The following TRRAP variants were observed in gnomAD, a reference collection of about 807,000 sequenced individuals.
TRRAP encodes the protein transformation/transcription domain associated protein.
Under a neutral mutation model 438.8 loss-of-function variants are expected in TRRAP, and 41 were observed. The observed-to-expected ratio is 0.09, with a 90% CI of 0.07 to 0.12. The LOEUF (loss-of-function observed/expected upper bound fraction) is 0.12, where lower values mean the gene tolerates loss of function less well. Ranked by LOEUF, TRRAP falls within the 10% of genes least tolerant of loss-of-function variation. The pLI, the probability that TRRAP is intolerant of heterozygous loss-of-function variation, is 1.00. For missense variants in TRRAP, 3,122 were observed against 5,055.1 expected, an observed-to-expected ratio of 0.62 and a Z score of 11.60; for synonymous variants, 1,994 against 1,962.9, an observed-to-expected ratio of 1.02 and a Z score of -0.42.
At chr7:98,980,500 A>G (rs1292647195) in intron 58 of TRRAP, among the ~76,000 whole-genome samples, 1 of 151,818 alleles carries the variant, frequency 6.6e-6, no homozygotes, top group African/African-American at 2.4e-5. Flanking sequence ...CCAAAAAAAA[A>G]AGAAAAGGCC....
At chr7:99,003,071 A>T (rs1265028291) in intron 67 of TRRAP, among the ~76,000 whole-genome samples, 1 of 152,206 alleles carries the variant, frequency 6.6e-6, no homozygotes. Context: ...TCAGGACGCC[A>T]GCCCTGGGGA....
At position 99,011,737 on chromosome 7, in the gene TRRAP, C is replaced by T. The variant is rs187993820; in HGVS notation, c.11337+202C>T. 1.2e-4 allele frequency among the ~76,000 whole-genome samples: 19 copies of T among 152,394 alleles called. No individual in the cohort carries two copies. The highest frequency in any genetic ancestry group is 3.6e-4 in the African/African-American group (15 of 41,602). On this transcript the variant is annotated intron_variant, in intron 72 of 72. Coordinates refer to ENST00000456197, the MANE Select transcript of TRRAP (RefSeq NM_001375524.1). The surrounding 1 kb of genome is among the most constrained non-coding windows in gnomAD (Gnocchi z 7.1). ...TCACTCTTGTCTGTAGTGCTTGGAA[C>T]GGGCCTGCCTGACACTCGGCAGATG...
Position 98,899,422 on chromosome 7 carries a change from C to T in TRRAP, c.634C>T (p.His212Tyr), listed in dbSNP as rs782147316. Reference sequence around the variant, plus strand: ...GGTCCTACCCATTTCTGTCTTCCAGCATTCCATCATTCCGAGGGGATCACT... The same window carrying T: ...GGTCCTACCCATTTCTGTCTTCCAGTATTCCATCATTCCGAGGGGATCACT... ...PEREDSETRT[H>Y]SIIPRGSLSL... Residue 212 changes from histidine to tyrosine, a missense_variant and splice_region_variant, in exon 9 of 73, where the codon CAT (histidine) becomes TAT (tyrosine). Physicochemically the swap from His to Tyr is moderately conservative, Grantham distance 83. Around this residue, in one of 24 missense-constraint regions of TRRAP, gnomAD observed 343 missense variants for 564.0 expected, o/e 0.61. Coordinates refer to ENST00000456197, the MANE Select transcript of TRRAP (RefSeq NM_001375524.1). The T allele has an allele frequency of 6.2e-7, 1 of 1,614,140 alleles. No homozygotes were observed. The highest frequency in any genetic ancestry group is 8.5e-7 in the Non-Finnish European group (1 of 1,179,990).
intron 3 of TRRAP, among the ~76,000 whole-genome samples, chr7:98,885,425 A>G (rs528067872): frequency 6.6e-6 from 1 of 152,182 alleles, no homozygotes; most frequent in South Asian, 2.1e-4. Context: ...CTTAAGAACA[A>G]TAGGGAAAAT....
chr7:98,915,765 C>G lies in TRRAP; in HGVS notation c.2242C>G (p.Gln748Glu). 6.2e-7 allele frequency: 1 copy of G among 1,614,160 alleles called. No individual in the cohort carries two copies. Among genetic ancestry groups the G allele is most frequent in the African/African-American group, 1.3e-5 (1 of 75,050 alleles). The part of the protein sequence containing the change: ...KIVNSSMELA[Q>E]TAKEPYNYFL... ...TGTGAACAGCTCTATGGAGCTCGCGCAGACTGCCAAGGAACCCTACAACTA... is the reference window on the plus strand; with the variant it reads ...TGTGAACAGCTCTATGGAGCTCGCGGAGACTGCCAAGGAACCCTACAACTA... The change falls in exon 19 of 73, where the codon CAG becomes GAG. Residue 748 changes from glutamine (Q) to glutamate (E), a missense_variant. This residue lies in a region of TRRAP where 149 missense variants were observed against 302.8 expected (regional missense o/e 0.49). Coordinates refer to ENST00000456197, the MANE Select transcript of TRRAP (RefSeq NM_001375524.1).
At chr7:98,934,881 G>A (rs1223540396) in intron 27 of TRRAP, among the ~76,000 whole-genome samples, 1 of 152,168 alleles carries the variant, frequency 6.6e-6, no homozygotes, top group Non-Finnish European at 1.5e-5. Context: ...GGCTTGAAGT[G>A]CTTTTCACTC....
At chr7:99,007,943 A>G (rs1337517982) in intron 69 of TRRAP, among the ~76,000 whole-genome samples, 1 of 150,044 alleles carries the variant, frequency 6.7e-6, no homozygotes, top group Non-Finnish European at 1.5e-5. Flanking sequence ...CTCCTGCCTC[A>G]GCCTCCTGAG....
At chr7:98,893,323 T>C (rs1796057690) in intron 5 of TRRAP, among the ~76,000 whole-genome samples, 2 of 152,334 alleles carry the variant, frequency 1.3e-5, no homozygotes, top group South Asian at 4.1e-4. Flanking sequence ...GATTCTGTCT[T>C]GGCTGGGGCG....
intron 57 of TRRAP, 37 bp from the exon 58 acceptor site, chr7:98,978,732 T>G (rs774476861): frequency 1.9e-6 from 3 of 1,613,468 alleles, no homozygotes; most frequent in Non-Finnish European, 2.5e-6. Flanking sequence ...AGTGTGCTGG[T>G]GATTGAGCTT....
intron 47 of TRRAP, among the ~76,000 whole-genome samples, chr7:98,963,539 C>T (rs1792014237): frequency 6.6e-6 from 1 of 152,172 alleles, no homozygotes. Context: ...GCCACACCGT[C>T]GTCCCCATGC....
In TRRAP at chr7:98,919,015, T is replaced by C. The variant is rs555814864; in HGVS notation, c.2622+1336T>C. On this transcript the variant is annotated intron_variant, in intron 20 of 72. Transcript: ENST00000456197. ...AAAAAAAAAAAGAAAAAAAGGTTGA[T>C]ATGTTAAAGTTAGTTTTTCCTACAT... 1.5e-4 allele frequency among the ~76,000 whole-genome samples: 23 copies of C among 151,842 alleles called. No individual in the cohort carries two copies. In the East Asian group the frequency reaches 4.5e-3, roughly 29 times the overall value.
chr7:98,925,356 C>A, intron 22 of TRRAP, 93 bp downstream of exon 22: 1 of 1,522,078 alleles, frequency 6.6e-7, no homozygotes, highest in Non-Finnish European at 8.8e-7. Context: ...GTGCTAGGAG[C>A]AGGCTCCTTG....
At chr7:98,921,629 G>A (rs186185545) in intron 20 of TRRAP, 124 bp from the exon 21 acceptor site, 1 of 1,301,228 alleles carries the variant, frequency 7.7e-7, no homozygotes, top group East Asian at 2.4e-5. Context: ...ACCCGCCTTA[G>A]CCTCCCAAAG....
intron 69 of TRRAP, among the ~76,000 whole-genome samples, chr7:99,006,502 C>T (rs887202207): frequency 2.0e-5 from 3 of 152,178 alleles, no homozygotes; most frequent in Admixed American, 6.5e-5. Flanking sequence ...TTGGTCAGCA[C>T]AGAATGGTGG....
chr7:98,897,685 T>TGAA, intron 7 of TRRAP, 56 bp from the exon 8 acceptor site: 2 of 1,559,056 alleles, frequency 1.3e-6, no homozygotes, highest in South Asian at 1.2e-5. Context: ...TGTTTTGTTT[T>TGAA]TGAATGAATA....
chr7:98,885,026 AG>A (rs1226140204), intron 3 of TRRAP, among the ~76,000 whole-genome samples: 1 of 152,134 alleles, frequency 6.6e-6, no homozygotes, highest in Non-Finnish European at 1.5e-5. Context: ...ACAAGGTTTG[AG>A]GGAGGCATGT....
chr7:98,893,008 G>C (rs782414599), intron 5 of TRRAP, among the ~76,000 whole-genome samples: 2 of 151,856 alleles, frequency 1.3e-5, no homozygotes, highest in Non-Finnish European at 2.9e-5. Flanking sequence ...CTGGAGTGCA[G>C]TGGTGTGATC....
intron 35 of TRRAP, among the ~76,000 whole-genome samples, chr7:98,949,001 G>A (rs568937478): frequency 1.3e-5 from 2 of 152,304 alleles, no homozygotes; most frequent in African/African-American, 4.8e-5. Context: ...GGGAAACTGA[G>A]GCAGGTGGTT....
chr7:98,945,664 A>G, intron 31 of TRRAP, 83 bp from the exon 32 acceptor site: 1 of 1,512,624 alleles, frequency 6.6e-7, no homozygotes, highest in Non-Finnish European at 9.0e-7. Context: ...AACCCCAATA[A>G]CCCTTACTGT....
Sources: gnomAD v4.1 joint callset for allele counts (sites outside exome capture counted in the v4.1 genomes callset) on GRCh38, gnomAD v4.1.1 for gene constraint, gnomAD v4.1.1 regional missense constraint, Gnocchi (gnomAD v3.1) non-coding constraint, MANE v1.5 for transcripts, NCBI Gene and HGNC (gene_info 2026-07-23, HGNC 2026-07-21) for gene names.